The following COL6A3 variants were observed in gnomAD, a reference collection of about 807,000 sequenced individuals.
COL6A3 encodes collagen alpha-3(VI) chain.
Under a neutral mutation model 274.1 loss-of-function variants are expected in COL6A3, and 137 were observed. The observed-to-expected ratio is 0.50, with a 90% confidence interval of 0.44 to 0.58. COL6A3 has a LOEUF of 0.58. Ranked by LOEUF, COL6A3 falls within the 20% of genes least tolerant of loss-of-function variation. COL6A3 has a pLI of 0.00. For synonymous variants in COL6A3, 1,650 were observed against 1,650.6 expected, an observed-to-expected ratio of 1.00 and a Z score of 0.01; for missense variants, 3,950 against 4,124.9, an observed-to-expected ratio of 0.96 and a Z score of 1.16.
chr2:237,356,734 GCCC>G, intron 23 of COL6A3: 1 of 162,066 alleles, frequency 6.2e-6, no homozygotes, highest in Admixed American at 5.9e-5. Flanking sequence ...TGCTGTCTGT[GCCC>G]GAGGACCTTG....
Position 237,336,423 on chromosome 2 carries a change from T to C in COL6A3, c.8677A>G (p.Thr2893Ala), listed in dbSNP as rs767416852. 2 of 1,613,576 alleles carry C rather than the reference T, an allele frequency of 1.2e-6. No individual in the cohort carries two copies. The highest frequency in any genetic ancestry group is 1.1e-5 in the South Asian group (1 of 90,448). ...TTTATAATAGTCACAGGCTTTGTTG[T>C]GGTGGTTACAGGCTTTGTTGTGGTG... ...VTTTTKPVTT[T>A]TKPVTIINQP... Residue 2893 changes from threonine to alanine, a missense_variant, in exon 40 of 44, where the codon ACA becomes GCA. This residue lies in a region of COL6A3 where 1,284 missense variants were observed against 1,349.7 expected (regional missense o/e 0.95). Transcript: ENST00000295550.
At position 237,368,819 on chromosome 2, in the gene COL6A3, C is replaced by T. The variant is rs1017491163; in HGVS notation, c.4644G>A (p.Leu1548=). The change falls in exon 10 of 44, where the codon CTG becomes CTA. Residue 1548 remains leucine (L), a synonymous_variant. Transcript: ENST00000295550. The surrounding 1 kb of genome is among the most constrained non-coding windows in gnomAD (Gnocchi z 4.4). ...ACACATCGTCCTGGGATTTTCCACC[C>T]AGGACCAGGACCAGGTGTTGGGGCA... The part of the protein sequence containing the change: ...DGVPQHLVLV[L]GGKSQDDVSR... 15 of 1,614,084 alleles carry T rather than the reference C, an allele frequency of 9.3e-6. No individual in the cohort carries two copies. The highest frequency in any genetic ancestry group is 1.6e-4 in the Middle Eastern group (1 of 6,084).
At chr2:237,408,247 T>C (rs1024732733) in intron 1 of COL6A3, among the ~76,000 whole-genome samples, 4 of 152,260 alleles carry the variant, frequency 2.6e-5, no homozygotes, top group African/African-American at 9.6e-5. Flanking sequence ...ACTTCCTTAC[T>C]GCCTCTGTCA....
intron 32 of COL6A3, 83 bp from the exon 33 acceptor site, chr2:237,345,296 G>T (rs112826386): frequency 7.1e-7 from 1 of 1,400,180 alleles, no homozygotes; most frequent in Non-Finnish European, 1.0e-6. Context: ...GAAATACACA[G>T]AGCAAGACAA....
intron 42 of COL6A3, among the ~76,000 whole-genome samples, chr2:237,332,105 ATATATATATATATG>A (rs1700283695): frequency 5.2e-5 from 2 of 38,250 alleles, no homozygotes; most frequent in African/African-American, 9.2e-5. Flanking sequence ...ATATATATAT[ATATATATATATATG>A]AAAAGAAAAA....
Position 237,346,489 on chromosome 2 carries a change from G to C in COL6A3, c.7092+14C>G. ...AGCCCCAGGTGGCCGGGTCAGAACT[G>C]GATAAATACTTACAGCTGGTCCTGG... On this transcript the variant is annotated intron_variant, in intron 32 of 43. Coordinates refer to ENST00000295550, the MANE Select transcript of COL6A3 (RefSeq NM_004369.4). The C allele has an allele frequency of 1.9e-6, 3 of 1,613,416 alleles. No individual in the cohort carries two copies. The highest frequency in any genetic ancestry group is 2.5e-6 in the Non-Finnish European group (3 of 1,179,520).
chr2:237,393,107 C>T (rs1194992688), intron 3 of COL6A3, among the ~76,000 whole-genome samples: 2 of 152,218 alleles, frequency 1.3e-5, no homozygotes, highest in African/African-American at 2.4e-5. Flanking sequence ...AATTTACTAG[C>T]TACCACTCTG....
intron 31 of COL6A3, among the ~76,000 whole-genome samples, chr2:237,347,115 T>A (rs1234524501): frequency 1.3e-5 from 2 of 151,950 alleles, no homozygotes; most frequent in African/African-American, 4.8e-5. Context: ...AAACATCCAT[T>A]GAAGAATAAT....
At chr2:237,352,948 A>G (rs1025000980) in intron 25 of COL6A3, among the ~76,000 whole-genome samples, 5 of 152,236 alleles carry the variant, frequency 3.3e-5, no homozygotes, top group Non-Finnish European at 7.3e-5. Flanking sequence ...TCCATCATGT[A>G]AAGGAATGAA....
Position 237,387,885 on chromosome 2 carries a change from C to G in COL6A3, c.1009G>C (p.Ala337Pro). ...CCTTCCTCCACGCGGCTGCCCCCTGCCCGGGTGAAGTGGTTCTCCACCACG... is the reference window on the plus strand; with the variant it reads ...CCTTCCTCCACGCGGCTGCCCCCTGGCCGGGTGAAGTGGTTCTCCACCACG... ...DFVVENHFTRAGGSRVEEGVP... is the reference protein window; with the variant it reads ...DFVVENHFTRPGGSRVEEGVP... Residue 337 changes from alanine (A) to proline (P), a missense_variant, in exon 4 of 44, where the codon GCA becomes CCA. This residue lies in a region of COL6A3 where 1,934 missense variants were observed against 1,984.3 expected (regional missense o/e 0.97). Coordinates refer to ENST00000295550, the MANE Select transcript of COL6A3 (RefSeq NM_004369.4). The G allele has an allele frequency of 6.2e-7, 1 of 1,614,116 alleles. No homozygotes were observed. The highest frequency in any genetic ancestry group is 2.2e-5 in the East Asian group (1 of 44,872).
Position 237,361,870 on chromosome 2 carries a change from G to A in COL6A3, c.6064-39C>T. The A allele has an allele frequency of 6.4e-7, 1 of 1,559,202 alleles. No individual in the cohort carries two copies. Among genetic ancestry groups the A allele is most frequent in the Non-Finnish European group, 8.9e-7 (1 of 1,129,818 alleles). On this transcript the variant is annotated intron_variant, in intron 14 of 43. Transcript: ENST00000295550. The surrounding 1 kb of genome is among the most constrained non-coding windows in gnomAD (Gnocchi z 5.1). ...GAGAAACCAAATGTTCAGATCTCAA[G>A]AAATGCCCAGCAGAAAATCATAAAT...
chr2:237,369,559 T>C, intron 9 of COL6A3, among the ~76,000 whole-genome samples: 1 of 152,182 alleles, frequency 6.6e-6, no homozygotes, highest in African/African-American at 2.4e-5. Context: ...GGGATCTATA[T>C]CTTTGTTGTA....
intron 42 of COL6A3, chr2:237,328,153 A>G (rs1319228918): frequency 6.6e-6 from 1 of 152,298 alleles, no homozygotes; most frequent in East Asian, 1.9e-4. Context: ...TAGAATACCA[A>G]TGTAACTAAG....
intron 16 of COL6A3, 100 bp from the exon 17 acceptor site, chr2:237,360,259 G>A (rs2077405281): frequency 1.1e-5 from 13 of 1,169,128 alleles, no homozygotes; most frequent in Non-Finnish European, 1.3e-5. Flanking sequence ...ACAGCATGCA[G>A]CAGAAAGCAG....
At position 237,364,437 on chromosome 2, in the gene COL6A3, A is replaced by G. The variant is rs745307761; in HGVS notation, c.5839-9T>C. On this transcript the variant is annotated splice_polypyrimidine_tract_variant and intron_variant, in intron 12 of 43. Transcript: ENST00000295550. This position sits in a 1 kb window ranked among gnomAD's most constrained non-coding sequence, Gnocchi z 4.6. Reference sequence around the variant, plus strand: ...GTAAAATGAATGACCACCTGCAGATAAGAGAGCTGTCAAATCCCAGGAAAA... The same window carrying G: ...GTAAAATGAATGACCACCTGCAGATGAGAGAGCTGTCAAATCCCAGGAAAA... 3.1e-6 allele frequency: 5 copies of G among 1,608,888 alleles called. No homozygotes were observed. The highest frequency in any genetic ancestry group is 4.3e-6 in the Non-Finnish European group (5 of 1,175,458).
intron 11 of COL6A3, 50 bp downstream of exon 11, chr2:237,366,637 C>T: frequency 6.2e-7 from 1 of 1,614,044 alleles, no homozygotes; most frequent in Non-Finnish European, 8.5e-7. Flanking sequence ...GCTAAAGAGG[C>T]ACAAATGTCA....
chr2:237,357,895 T>A lies in COL6A3; in HGVS notation c.6472-13A>T, dbSNP rs1156922421. On this transcript the variant is annotated splice_polypyrimidine_tract_variant and intron_variant, in intron 21 of 43. Transcript: ENST00000295550. ...GTCCTGGGTTACCCTGAAAGCAACA[T>A]GGGAAAGGGAAATGAGCCACATATG... 6.2e-7 allele frequency: 1 copy of A among 1,613,512 alleles called. No homozygotes were observed. The highest frequency in any genetic ancestry group is 1.1e-5 in the South Asian group (1 of 91,048).
chr2:237,407,743 GC>G lies in COL6A3; in HGVS notation c.-31+6209del, dbSNP rs1366880872. 3.3e-5 allele frequency among the ~76,000 whole-genome samples: 5 copies of G among 152,224 alleles called. No homozygotes were observed. The highest frequency in any genetic ancestry group is 7.3e-5 in the Non-Finnish European group (5 of 68,050). The stretch of plus-strand genomic sequence containing the variant: ...GATTTGAAAAGCTAGACGCCACCAT[GC>G]AAATGTAAAACACATTCCACATTCT... On this transcript the variant is annotated intron_variant, in intron 1 of 43. Transcript: ENST00000295550. This position sits in a 1 kb window ranked among gnomAD's most constrained non-coding sequence, Gnocchi z 4.3.
Position 237,376,862 on chromosome 2 carries a change from G to A in COL6A3, c.2980C>T (p.Leu994=). 6.2e-7 allele frequency: 1 copy of A among 1,614,244 alleles called. No individual in the cohort carries two copies. Among genetic ancestry groups the A allele is most frequent in the Non-Finnish European group, 8.5e-7 (1 of 1,180,046 alleles). ...ATCTTGGGAAGCGACTCTGCAGCCA[G>A]GATAAACGCTGGAGACAGCACGATC... ...EQIVLSPAFI[L]AAESLPKIGD... Residue 994 remains leucine (L), a synonymous_variant, in exon 7 of 44, where the codon CTG becomes TTG. Transcript: ENST00000295550.
Sources: gnomAD v4.1 joint callset for allele counts (sites outside exome capture counted in the v4.1 genomes callset) on GRCh38, gnomAD v4.1.1 for gene constraint, gnomAD v4.1.1 regional missense constraint, Gnocchi (gnomAD v3.1) non-coding constraint, MANE v1.5 for transcripts, NCBI Gene and HGNC (gene_info 2026-07-23, HGNC 2026-07-21) for gene names.